ZNF385C: variants seen among roughly 807,000 people sequenced by gnomAD.
ZNF385C encodes the protein CTD-2132N18.2.
In ZNF385C, 28 loss-of-function variants were observed where a neutral mutation model predicts 35.4. The ratio of observed to expected loss-of-function variants is 0.79; its 90% CI spans 0.59 to 1.08. The LOEUF is 1.08. Ranked by LOEUF, ZNF385C falls within the 50% of genes least tolerant of loss-of-function variation. The pLI is 0.00. For missense variants in ZNF385C, 605 were observed against 595.6 expected (o/e 1.02, Z -0.16); for synonymous variants, 248 against 248.2 (o/e 1.00, Z 0.01).
rs567547486 is a variant in ZNF385C at position 42,037,871 on chromosome 17, C to T, written c.265G>A (p.Gly89Ser). The change falls in exon 3 of 9, where the codon GGC (glycine) becomes AGC (serine). Residue 89 changes from glycine (G) to serine (S), a missense_variant. Gly to Ser is a moderately conservative substitution (Grantham distance 56). Coordinates refer to ENST00000692273, the MANE Select transcript of ZNF385C (RefSeq NM_001392013.1). ...GAGGCCAGCAGGGGGCTGGGGGCGCCGGAGGCCGGGCCTGCTGCAGGAGGA... is the reference window on the plus strand; with the variant it reads ...GAGGCCAGCAGGGGGCTGGGGGCGCTGGAGGCCGGGCCTGCTGCAGGAGGA... ...SPSGPAGPAS[G>S]APSPLLASLP... 20 of 1,522,324 alleles carry T rather than the reference C, an allele frequency of 1.3e-5. No homozygotes were observed. The highest frequency in any genetic ancestry group is 4.9e-5 in the East Asian group (2 of 40,592). The allele number at this position is 1,522,324 out of a possible 1,614,324, so 94.3% of individuals were successfully genotyped here. A position where few individuals can be genotyped will look rare whatever the true frequency, so the allele number is the denominator to read the frequency against.
Position 42,037,761 on chromosome 17 carries a change from G to A in ZNF385C, c.375C>T (p.Leu125=). ...CCGTGCTGAAGTTGGGGAAGAGACT[G>A]AGCGGGGCAGCGCCATTGAAGTGGA... is the stretch of plus-strand genomic sequence containing the variant. ...LAFHFNGAAP[L]SLFPNFSTMD... is the part of the protein sequence containing the mutation. Residue 125 remains leucine (L), a synonymous_variant, in exon 3 of 9, where the codon CTC becomes CTT. Coordinates refer to ENST00000692273, the MANE Select transcript of ZNF385C (RefSeq NM_001392013.1). 6.5e-7 allele frequency: 1 copy of A among 1,536,668 alleles called. No individual in the cohort carries two copies. The highest frequency in any genetic ancestry group is 8.8e-7 in the Non-Finnish European group (1 of 1,140,918).
At chr17:42,040,294 G>A in intron 2 of ZNF385C, 1 of 1,231,688 alleles carries the variant, frequency 8.1e-7, no homozygotes, top group Non-Finnish European at 1.0e-6. Flanking sequence ...CGCAGCCTCG[G>A]AGTAACCGAG....
At chr17:42,076,410 A>T (rs1413389522) in intron 1 of ZNF385C, among the ~76,000 whole-genome samples, 1 of 152,188 alleles carries the variant, frequency 6.6e-6, no homozygotes, top group African/African-American at 2.4e-5. Context: ...TCACGAGGTC[A>T]GGAGATCGAG....
At chr17:42,093,260 G>C (rs1221253839) in intron 1 of ZNF385C, among the ~76,000 whole-genome samples, 1 of 152,182 alleles carries the variant, frequency 6.6e-6, no homozygotes, top group African/African-American at 2.4e-5. Flanking sequence ...TGGGTGGGCT[G>C]AGCTTGACTG....
At chr17:42,072,868 C>T (rs2053644895) in intron 1 of ZNF385C, among the ~76,000 whole-genome samples, 1 of 152,166 alleles carries the variant, frequency 6.6e-6, no homozygotes, top group African/African-American at 2.4e-5. Context: ...CCCGGCTGAC[C>T]AGGCCCAGCG....
At position 42,027,014 on chromosome 17, in the gene ZNF385C, A is replaced by G; in HGVS notation, c.1395T>C (p.Pro465=). ...CALPGPLALR[P]APTAATTLFP... ...AGAGGGTAGTGGCTGCTGTAGGGGC[A>G]GGGCGGAGGGCCAGGGGCCCTGGCA... Residue 465 remains proline, a synonymous_variant, in exon 9 of 9, where the codon CCT becomes CCC. Coordinates refer to ENST00000692273, the MANE Select transcript of ZNF385C (RefSeq NM_001392013.1). The G allele has an allele frequency of 6.2e-7, 1 of 1,608,368 alleles. No homozygotes were observed. The highest frequency in any genetic ancestry group is 8.5e-7 in the Non-Finnish European group (1 of 1,177,186).
chr17:42,051,093 A>G (rs972389510), intron 2 of ZNF385C, among the ~76,000 whole-genome samples: 10 of 152,044 alleles, frequency 6.6e-5, no homozygotes, highest in Non-Finnish European at 1.5e-5. Flanking sequence ...ATGGCAGAGC[A>G]AGGATTCCTC....
At chr17:42,086,477 G>A (rs1435733659) in intron 1 of ZNF385C, among the ~76,000 whole-genome samples, 6 of 150,664 alleles carry the variant, frequency 4.0e-5, no homozygotes, top group Non-Finnish European at 7.4e-5. Flanking sequence ...CAAGGCAGGC[G>A]GATCACCTGA....
At position 42,025,617 on chromosome 17, in the gene ZNF385C, A is replaced by G. The variant is rs1486995510; in HGVS notation, c.*1280T>C. ...TTTATTGATGCATTGGTTGGACACA[A>G]TAAAACCACAATTGTTATCAAAAAG... On this transcript the variant is annotated 3_prime_UTR_variant, in exon 9 of 9. Coordinates refer to ENST00000692273, the MANE Select transcript of ZNF385C (RefSeq NM_001392013.1). 6.6e-6 allele frequency: 1 copy of G among 152,566 alleles called. No homozygotes were observed. Among genetic ancestry groups the G allele is most frequent in the Non-Finnish European group, 1.5e-5 (1 of 68,032 alleles). The allele number at this position is 152,566 out of a possible 1,614,324, so 9.5% of individuals were successfully genotyped here. A position where few individuals can be genotyped will look rare whatever the true frequency, so the allele number is the denominator to read the frequency against.
Position 42,037,762 on chromosome 17 carries a change from AG to A in ZNF385C, c.373del (p.Leu125SerfsTer28). 1.3e-6 allele frequency: 2 copies of A among 1,536,342 alleles called. No individual in the cohort carries two copies. The highest frequency in any genetic ancestry group is 1.8e-6 in the Non-Finnish European group (2 of 1,140,810). ...CGTGCTGAAGTTGGGGAAGAGACTGAGCGGGGCAGCGCCATTGAAGTGGAAG... is the reference window on the plus strand; with the variant it reads ...CGTGCTGAAGTTGGGGAAGAGACTGACGGGGCAGCGCCATTGAAGTGGAAG... Reference protein sequence around the residue: ...LAFHFNGAAPLSLFPNFSTMD... With the variant: ...LAFHFNGAAPXSLFPNFSTMD... On this transcript the variant is annotated frameshift_variant, in exon 3 of 9. Coordinates refer to ENST00000692273, the MANE Select transcript of ZNF385C (RefSeq NM_001392013.1). LOFTEE classifies it high-confidence loss of function.
Position 42,026,730 on chromosome 17 carries a change from G to T in ZNF385C, c.*167C>A. The T allele has an allele frequency of 1.4e-6, 1 of 718,130 alleles. No individual in the cohort carries two copies. Among genetic ancestry groups the T allele is most frequent in the Non-Finnish European group, 2.5e-6 (1 of 407,574 alleles). 44.5% of individuals were successfully genotyped at this position (718,130 alleles called of 1,614,324 possible). On this transcript the variant is annotated 3_prime_UTR_variant, in exon 9 of 9. Transcript: ENST00000692273. ...GGCCTGCGAAAGGAGGGTGGGGACA[G>T]TCCTTGGAAGGCAGCTGCCCTTAAA... is the stretch of plus-strand genomic sequence containing the variant.
At chr17:42,037,697 A>G in intron 3 of ZNF385C, 40 bp downstream of exon 3, 4 of 1,472,648 alleles carry the variant, frequency 2.7e-6, no homozygotes, top group Non-Finnish European at 3.6e-6. Context: ...CCCACCCACA[A>G]GCTTGTGTGC....
chr17:42,030,744 C>T (rs1555654913), intron 5 of ZNF385C, among the ~76,000 whole-genome samples: 1 of 151,944 alleles, frequency 6.6e-6, no homozygotes, highest in Non-Finnish European at 1.5e-5. Flanking sequence ...TGAGGTCATG[C>T]TGGGTTCGGG....
rs543884129 is a variant in ZNF385C, at chr17:42,089,867, A to G, written c.-3+8543T>C. Among the ~76,000 whole-genome samples the G allele has an allele frequency of 3.9e-5, 6 of 152,360 alleles. No homozygotes were observed. In the East Asian group the frequency reaches 9.6e-4, roughly 24 times the overall value. On this transcript the variant is annotated intron_variant, in intron 1 of 8. Transcript: ENST00000692273. ...TTGTTTAACTGTACTACAGGGGAAAAACAAAAATCTGATCAAAGAATTAAG... is the reference window on the plus strand; with the variant it reads ...TTGTTTAACTGTACTACAGGGGAAAGACAAAAATCTGATCAAAGAATTAAG...
rs941887993 is a variant in ZNF385C at position 42,045,119 on chromosome 17, G to A, written c.251-7234C>T. Among the ~76,000 whole-genome samples the A allele has an allele frequency of 1.6e-4, 25 of 152,286 alleles. 1 individual carries two copies. Among genetic ancestry groups the A allele is most frequent in the Admixed American group, 1.0e-3 (16 of 15,298 alleles). The stretch of plus-strand genomic sequence containing the variant: ...TTTTTAGTGGAGACGGGGTTTCACC[G>A]TGTTAGCCACGATGGTCTCGATCTC... On this transcript the variant is annotated intron_variant, in intron 2 of 8. Coordinates refer to ENST00000692273, the MANE Select transcript of ZNF385C (RefSeq NM_001392013.1).
chr17:42,059,009 T>C (rs2053421742), intron 2 of ZNF385C, among the ~76,000 whole-genome samples: 1 of 152,170 alleles, frequency 6.6e-6, no homozygotes, highest in Non-Finnish European at 1.5e-5. Context: ...AGCTCTCAGA[T>C]AACTGAGGAG....
At chr17:42,067,345 A>G (rs1370786157) in intron 1 of ZNF385C, among the ~76,000 whole-genome samples, 2 of 152,090 alleles carry the variant, frequency 1.3e-5, no homozygotes, top group South Asian at 2.1e-4. Flanking sequence ...AGCCCTAACA[A>G]ACTAACGCGC....
intron 2 of ZNF385C, chr17:42,042,911 T>C: frequency 8.1e-7 from 1 of 1,232,380 alleles, no homozygotes. Flanking sequence ...AGGTTGAACC[T>C]CTGCAGCTCG....
At chr17:42,071,952 G>A (rs1567994277) in intron 1 of ZNF385C, among the ~76,000 whole-genome samples, 1 of 152,216 alleles carries the variant, frequency 6.6e-6, no homozygotes, top group South Asian at 2.1e-4. Context: ...TTGTGGGTGG[G>A]GGCAGAGTGT....
Sources: gnomAD v4.1 joint callset for allele counts (sites outside exome capture counted in the v4.1 genomes callset) on GRCh38, gnomAD v4.1.1 for gene constraint, MANE v1.5 for transcripts, NCBI Gene and HGNC (gene_info 2026-07-23, HGNC 2026-07-21) for gene names.